Variants in GRIP1 observed in about 807,000 individuals in gnomAD.
The protein encoded by GRIP1 is glutamate receptor-interacting protein 1.
A neutral mutation model predicts 129.9 loss-of-function variants in GRIP1; 45 were observed. The observed-to-expected ratio is 0.35, with a 90% CI of 0.27 to 0.44. The LOEUF (loss-of-function observed/expected upper bound fraction) is 0.44, where lower values mean the gene tolerates loss of function less well. Among genes scored for constraint, GRIP1 ranks in the 20% least tolerant of loss-of-function variants. The pLI is 1.00. For synonymous variants in GRIP1, 530 were observed against 520.8 expected (o/e 1.02, Z -0.24); for missense variants, 1,196 against 1,396.8 (o/e 0.86, Z 2.29).
At chr12:66,559,538 A>C (rs1681436834) in intron 2 of GRIP1, among the ~76,000 whole-genome samples, 3 of 152,194 alleles carry the variant, frequency 2.0e-5, no homozygotes, top group African/African-American at 7.2e-5. Flanking sequence ...GCCAACAGTG[A>C]ACAATCTGAA....
intron 1 of GRIP1, among the ~76,000 whole-genome samples, chr12:66,645,615 A>G (rs1363235299): frequency 1.3e-5 from 2 of 152,230 alleles, no homozygotes; most frequent in East Asian, 3.8e-4. Flanking sequence ...TCCCATTAAA[A>G]GCAATCCATT....
At chr12:66,431,506 G>A (rs973392401) in intron 14 of GRIP1, among the ~76,000 whole-genome samples, 11 of 152,070 alleles carry the variant, frequency 7.2e-5, no homozygotes, top group South Asian at 2.1e-4. Flanking sequence ...AATTTGTATC[G>A]TCCATGTTGA....
At chr12:66,710,055 C>G (rs963017616) in intron 1 of GRIP1, among the ~76,000 whole-genome samples, 2 of 151,950 alleles carry the variant, frequency 1.3e-5, no homozygotes, top group African/African-American at 2.4e-5. Flanking sequence ...GCGGTGATCA[C>G]CTGGCTGAGG....
At chr12:66,451,324 T>C (rs571416758) in intron 11 of GRIP1, among the ~76,000 whole-genome samples, 1 of 146,896 alleles carries the variant, frequency 6.8e-6, no homozygotes, top group Non-Finnish European at 1.5e-5. Flanking sequence ...CTATCAGCTA[T>C]GAGAAGCATT....
chr12:66,490,099 C>T (rs1010849726), intron 7 of GRIP1, among the ~76,000 whole-genome samples: 2 of 152,020 alleles, frequency 1.3e-5, no homozygotes, highest in Non-Finnish European at 2.9e-5. Flanking sequence ...AAACTACCAT[C>T]GACATCCTTC....
rs2059258715 is a variant in GRIP1 at position 66,465,369 on chromosome 12, C to G, written c.778G>C (p.Gly260Arg). 6.2e-7 allele frequency: 1 copy of G among 1,613,856 alleles called. No homozygotes were observed. The highest frequency in any genetic ancestry group is 8.5e-7 in the Non-Finnish European group (1 of 1,179,838). Reference sequence around the variant, plus strand: ...GTTAGGGCAACCCCAAGGCTGGCACCAGGAGTTTTGGCAACTTCGACTAGT... The same window carrying G: ...GTTAGGGCAACCCCAAGGCTGGCACGAGGAGTTTTGGCAACTTCGACTAGT... The part of the protein sequence containing the change: ...PLLVEVAKTP[G>R]ASLGVALTTS... The change falls in exon 8 of 25, where the codon GGT becomes CGT. Residue 260 changes from glycine to arginine, a missense_variant. Physicochemically the swap from Gly to Arg is moderately radical, Grantham distance 125 (BLOSUM62 -2). Around this residue, in one of 5 missense-constraint regions of GRIP1, gnomAD observed 508 missense variants for 587.0 expected, o/e 0.87. Coordinates refer to ENST00000359742, the MANE Select transcript of GRIP1 (RefSeq NM_001366722.1).
At chr12:66,702,794 A>C (rs1442768500) in intron 1 of GRIP1, among the ~76,000 whole-genome samples, 1 of 152,200 alleles carries the variant, frequency 6.6e-6, no homozygotes, top group East Asian at 1.9e-4. Context: ...AGAAAGGGGT[A>C]AGGGTCTTTT....
At chr12:66,765,642 T>A (rs547127904) in intron 1 of GRIP1, among the ~76,000 whole-genome samples, 2 of 152,350 alleles carry the variant, frequency 1.3e-5, no homozygotes, top group South Asian at 4.1e-4. Context: ...ACATGGCTTC[T>A]CCACTGTGGA....
intron 1 of GRIP1, among the ~76,000 whole-genome samples, chr12:66,757,151 T>C (rs2037317762): frequency 6.6e-6 from 1 of 152,164 alleles, no homozygotes; most frequent in African/African-American, 2.4e-5. Context: ...TTGTTGACGG[T>C]TGTCACCCTG....
chr12:67,034,388 G>A (rs1293650777), intron 1 of GRIP1, among the ~76,000 whole-genome samples: 1 of 152,134 alleles, frequency 6.6e-6, no homozygotes, highest in Non-Finnish European at 1.5e-5. Flanking sequence ...ATCATAGAGT[G>A]CATTTACATA....
Position 66,870,440 on chromosome 12 carries a change from T to C in GRIP1, c.58+198610A>G, listed in dbSNP as rs77218532. Among the ~76,000 whole-genome samples, 110 of 152,272 alleles carry C rather than the reference T, an allele frequency of 7.2e-4. 1 individual carries two copies. In the East Asian group the frequency reaches 0.02, roughly 27 times the overall value. On this transcript the variant is annotated intron_variant, in intron 1 of 1. Transcript: ENST00000643019. ...CCCAGTTTTTTAATGTAATCTCTTATAGAGCAATGCTGTTTCTCCACAGAA... is the reference window on the plus strand; with the variant it reads ...CCCAGTTTTTTAATGTAATCTCTTACAGAGCAATGCTGTTTCTCCACAGAA...
rs753180548 is a variant in GRIP1 at position 66,408,030 on chromosome 12, G to A, written c.1839-1602C>T. On this transcript the variant is annotated intron_variant, in intron 15 of 24. Coordinates refer to ENST00000359742, the MANE Select transcript of GRIP1 (RefSeq NM_001366722.1). ...CTCAGCCATAGTACGACAGGGCACC[G>A]GGCAGAGTCCTAAGGCCCCTTTTCT... Among the ~76,000 whole-genome samples, 8 of 152,168 alleles carry A rather than the reference G, an allele frequency of 5.3e-5. No individual in the cohort carries two copies. In the East Asian group the frequency reaches 7.7e-4, roughly 15 times the overall value.
intron 1 of GRIP1, among the ~76,000 whole-genome samples, chr12:67,003,293 T>C (rs1244216802): frequency 6.6e-6 from 1 of 152,248 alleles, no homozygotes; most frequent in African/African-American, 2.4e-5. Flanking sequence ...TTGTTGTACT[T>C]AGACTATTAT....
intron 1 of GRIP1, among the ~76,000 whole-genome samples, chr12:66,608,428 G>C (rs959876263): frequency 4.6e-5 from 7 of 152,152 alleles, no homozygotes; most frequent in African/African-American, 1.7e-4. Context: ...CACCTCCCAG[G>C]TTCAAGAGAT....
intron 1 of GRIP1, among the ~76,000 whole-genome samples, chr12:66,784,502 T>C (rs10878508): frequency 0.3 from 45,259 of 151,998 alleles, 6,874 homozygotes; most frequent in Middle Eastern, 0.35. Context: ...CTGAGTGGCA[T>C]TGAAAGCCAG....
chr12:66,482,955 G>A (rs1185921734), intron 7 of GRIP1, among the ~76,000 whole-genome samples: 1 of 152,162 alleles, frequency 6.6e-6, no homozygotes, highest in Non-Finnish European at 1.5e-5. Context: ...CATGAGTGAA[G>A]CCCATGCATG....
At chr12:66,896,932 G>A (rs1292600511) in intron 1 of GRIP1, among the ~76,000 whole-genome samples, 1 of 152,170 alleles carries the variant, frequency 6.6e-6, no homozygotes, top group African/African-American at 2.4e-5. Flanking sequence ...CTCTTCCGAA[G>A]ACCTGTTCCG....
chr12:66,409,962 A>C (rs1458891393), intron 15 of GRIP1, among the ~76,000 whole-genome samples: 3 of 152,206 alleles, frequency 2.0e-5, no homozygotes, highest in African/African-American at 2.4e-5. Context: ...CAGAAGAGAT[A>C]ATTAGTGGCC....
intron 1 of GRIP1, among the ~76,000 whole-genome samples, chr12:67,043,192 C>G (rs1413511311): frequency 6.6e-6 from 1 of 152,128 alleles, no homozygotes; most frequent in Non-Finnish European, 1.5e-5. Context: ...GATGTAGCAC[C>G]TACTCTTCCT....
Sources: gnomAD v4.1 joint callset for allele counts (sites outside exome capture counted in the v4.1 genomes callset) on GRCh38, gnomAD v4.1.1 for gene constraint, gnomAD v4.1.1 regional missense constraint, MANE v1.5 for transcripts, NCBI Gene and HGNC (gene_info 2026-07-23, HGNC 2026-07-21) for gene names.